MEP1B: variants seen among roughly 807,000 people sequenced by gnomAD.
MEP1B encodes N-benzoyl-L-tyrosyl-P-amino-benzoic acid hydrolase subunit beta.
A neutral mutation model predicts 84.6 loss-of-function variants in MEP1B; 80 were observed. That is an observed-to-expected ratio of 0.95 (90% CI 0.79 to 1.14). The LOEUF is 1.14. Among genes scored for constraint, MEP1B ranks in the 50% most tolerant of loss-of-function variants. The pLI, the probability that MEP1B is intolerant of heterozygous loss-of-function variation, is 0.00. For synonymous variants in MEP1B, 273 were observed against 288.1 expected (o/e 0.95, Z 0.53); for missense variants, 766 against 855.1 (o/e 0.90, Z 1.30).
At chr18:32,194,839 C>G (rs1478633409) in intron 4 of MEP1B, among the ~76,000 whole-genome samples, 1 of 151,596 alleles carries the variant, frequency 6.6e-6, no homozygotes, top group Non-Finnish European at 1.5e-5. Flanking sequence ...TTTTTTTTTA[C>G]ATACTCTTTC....
chr18:32,216,538 G>A (rs1440937279), intron 12 of MEP1B, among the ~76,000 whole-genome samples: 1 of 152,194 alleles, frequency 6.6e-6, no homozygotes, highest in Non-Finnish European at 1.5e-5. Context: ...TTCCTTATCT[G>A]TCTCTTGAAA....
At chr18:32,216,599 A>T (rs2041091960) in intron 12 of MEP1B, among the ~76,000 whole-genome samples, 1 of 152,232 alleles carries the variant, frequency 6.6e-6, no homozygotes, top group Non-Finnish European at 1.5e-5. Flanking sequence ...CCAGGCCAGC[A>T]TGTGGTTGAG....
At chr18:32,203,345 A>T (rs187974719) in intron 6 of MEP1B, among the ~76,000 whole-genome samples, 1 of 152,290 alleles carries the variant, frequency 6.6e-6, no homozygotes, top group Non-Finnish European at 1.5e-5. Context: ...GTCTGTGCTT[A>T]AGCTTATTTT....
Position 32,199,660 on chromosome 18 carries a change from T to TTCCTTCCTTCCTTCC in MEP1B, c.251-3232_251-3231insCCTTCCTTCCTTCCT, listed in dbSNP as rs1256249848. Among the ~76,000 whole-genome samples, 388 of 96,576 alleles carry TTCCTTCCTTCCTTCC rather than the reference T, an allele frequency of 4.0e-3. 8 individuals carry two copies. Among genetic ancestry groups the TTCCTTCCTTCCTTCC allele is most frequent in the Admixed American group, 6.4e-3 (64 of 10,034 alleles). 63.4% of individuals were successfully genotyped at this position (96,576 alleles called of 152,430 possible). A position where few individuals can be genotyped will look rare whatever the true frequency, so the allele number is the denominator to read the frequency against. Reference sequence around the variant, plus strand: ...TTGTTTTAATTCTTCCTTTTTTTCCTTTCGTTCGTTCCTTCCTTCCTTCCT... The same window carrying TTCCTTCCTTCCTTCC: ...TTGTTTTAATTCTTCCTTTTTTTCCTTCCTTCCTTCCTTCCTTCGTTCGTTCCTTCCTTCCTTCCT... On this transcript the variant is annotated intron_variant, in intron 5 of 14. Transcript: ENST00000269202.
intron 5 of MEP1B, among the ~76,000 whole-genome samples, chr18:32,197,494 A>G (rs2040867951): frequency 6.7e-6 from 1 of 150,020 alleles, no homozygotes; most frequent in Non-Finnish European, 1.5e-5. Flanking sequence ...ATCTCGGCTC[A>G]CTGCAGCTTC....
rs574607540 is a variant in MEP1B at position 32,215,362 on chromosome 18, T to G, written c.1759+101T>G. 2.8e-3 allele frequency: 1,922 copies of G among 686,206 alleles called. 7 individuals carry two copies. The highest frequency in any genetic ancestry group is 4.0e-3 in the Admixed American group (117 of 29,534). 42.5% of individuals were successfully genotyped at this position (686,206 alleles called of 1,614,324 possible). A position where few individuals can be genotyped will look rare whatever the true frequency, so the allele number is the denominator to read the frequency against. ...CTGCATTCCACTTTTAGATGTATTA[T>G]ATAGAGATGTGGGGGGAATGGGCAT... is the stretch of plus-strand genomic sequence containing the variant. On this transcript the variant is annotated intron_variant, in intron 12 of 14. Transcript: ENST00000269202.
At chr18:32,219,521 G>T (rs2041127871) in intron 14 of MEP1B, among the ~76,000 whole-genome samples, 1 of 152,156 alleles carries the variant, frequency 6.6e-6, no homozygotes, top group South Asian at 2.1e-4. Flanking sequence ...GGGCCATTGG[G>T]ATGAGCCAGG....
chr18:32,217,951 T>C lies in MEP1B; in HGVS notation c.2077T>C (p.Leu693=), dbSNP rs1234507828. The change falls in exon 14 of 15, where the codon TTG becomes CTG. Residue 693 remains leucine, a synonymous_variant. Coordinates refer to ENST00000269202, the MANE Select transcript of MEP1B (RefSeq NM_005925.3). ...AAGGATGAGCTCAAATCGACCAAAT[T>C]TGACTCCGCAAAATGTAAGTTGAGG... ...RERMSSNRPN[L]TPQNQHAF The C allele has an allele frequency of 2.5e-6, 4 of 1,613,764 alleles. No individual in the cohort carries two copies. The African/African-American group carries it at 4.0e-5, about 16-fold the overall frequency.
At chr18:32,210,183 A>G (rs1163331981) in intron 9 of MEP1B, among the ~76,000 whole-genome samples, 1 of 152,216 alleles carries the variant, frequency 6.6e-6, no homozygotes, top group African/African-American at 2.4e-5. Flanking sequence ...TTAAAAAGTT[A>G]GCATTTGATA....
At chr18:32,195,604 G>A (rs2040845194) in intron 5 of MEP1B, 119 bp downstream of exon 5, 2 of 598,764 alleles carry the variant, frequency 3.3e-6, no homozygotes, top group South Asian at 2.7e-5. Flanking sequence ...GCTCCTTTGT[G>A]TGGCTATGTA....
intron 10 of MEP1B, among the ~76,000 whole-genome samples, chr18:32,212,257 AGCTT>A: frequency 6.6e-6 from 1 of 152,206 alleles, no homozygotes; most frequent in Middle Eastern, 3.4e-3. Context: ...GCACTTAAGA[AGCTT>A]GCTTATTTTC....
At chr18:32,192,509 A>T in intron 2 of MEP1B, 137 bp from the exon 3 acceptor site, 1 of 743,752 alleles carries the variant, frequency 1.3e-6, no homozygotes, top group South Asian at 1.7e-5. Context: ...TCAATCAATC[A>T]ATGTATGTTG....
intron 12 of MEP1B, among the ~76,000 whole-genome samples, chr18:32,215,833 A>G (rs1598898107): frequency 6.6e-6 from 1 of 152,258 alleles, no homozygotes; most frequent in African/African-American, 2.4e-5. Context: ...CAAAAAAAGA[A>G]AAGAAATAAG....
At chr18:32,216,653 T>C (rs2041092564) in intron 12 of MEP1B, among the ~76,000 whole-genome samples, 1 of 152,230 alleles carries the variant, frequency 6.6e-6, no homozygotes, top group Non-Finnish European at 1.5e-5. Flanking sequence ...TGCCTAGTTC[T>C]TATCTCGCTG....
At position 32,191,843 on chromosome 18, in the gene MEP1B, G is replaced by A. The variant is rs191651806; in HGVS notation, c.82+3G>A. The A allele has an allele frequency of 9.1e-6, 14 of 1,533,106 alleles. No homozygotes were observed. The highest frequency in any genetic ancestry group is 1.9e-5 in the Admixed American group (1 of 51,642). The allele number at this position is 1,533,106 out of a possible 1,614,324, so 95.0% of individuals were successfully genotyped here. ...CCAGGCAACTCCAGAAAACTTTGGT[G>A]AGTCTATTTTGAGTTTTGTTCTAGG... is the stretch of plus-strand genomic sequence containing the variant. On this transcript the variant is annotated splice_donor_region_variant and intron_variant, in intron 2 of 14. Coordinates refer to ENST00000269202, the MANE Select transcript of MEP1B (RefSeq NM_005925.3).
At chr18:32,192,580 T>C in intron 2 of MEP1B, 66 bp from the exon 3 acceptor site, 1 of 1,464,224 alleles carries the variant, frequency 6.8e-7, no homozygotes, top group Non-Finnish European at 9.5e-7. Flanking sequence ...ATTATATAAA[T>C]GATAAAGGTT....
rs2040894266 is a variant in MEP1B at position 32,199,864 on chromosome 18, T to C, written c.251-3029T>C. On this transcript the variant is annotated intron_variant, in intron 5 of 14. Coordinates refer to ENST00000269202, the MANE Select transcript of MEP1B (RefSeq NM_005925.3). ...TAATTTTTTGTATTTTTGGTAGAGA[T>C]GGGGTTTCACCAGGCAATCCACCCA... Among the ~76,000 whole-genome samples the C allele has an allele frequency of 2.0e-5, 3 of 152,270 alleles. No individual in the cohort carries two copies. In the South Asian group the frequency reaches 6.2e-4, roughly 32 times the overall value.
In MEP1B at chr18:32,213,203, C is replaced by A; in HGVS notation, c.1223C>A (p.Ser408Tyr). The change falls in exon 11 of 15, where the codon TCT (serine) becomes TAT (tyrosine). Residue 408 changes from serine to tyrosine, a missense_variant. Coordinates refer to ENST00000269202, the MANE Select transcript of MEP1B (RefSeq NM_005925.3). ...GTGGTGTTTGAAGGACGCAAAGGCT[C>A]TGGTGCATCACTGGGTGGTCTGTCT... ...FRVVFEGRKGSGASLGGLSID... is the reference protein window; with the variant it reads ...FRVVFEGRKGYGASLGGLSID... The A allele has an allele frequency of 6.2e-7, 1 of 1,613,984 alleles. No homozygotes were observed. Among genetic ancestry groups the A allele is most frequent in the Non-Finnish European group, 8.5e-7 (1 of 1,179,872 alleles).
intron 5 of MEP1B, among the ~76,000 whole-genome samples, chr18:32,197,870 C>A (rs1009890158): frequency 1.3e-5 from 2 of 152,244 alleles, no homozygotes; most frequent in Non-Finnish European, 2.9e-5. Flanking sequence ...TAGGTGGCTT[C>A]TTCAACCCTT....
Sources: gnomAD v4.1 joint callset for allele counts (sites outside exome capture counted in the v4.1 genomes callset) on GRCh38, gnomAD v4.1.1 for gene constraint, MANE v1.5 for transcripts, NCBI Gene and HGNC (gene_info 2026-07-23, HGNC 2026-07-21) for gene names.